Variants in PPP3CB observed in about 807,000 individuals in gnomAD.
PPP3CB encodes protein phosphatase 3 catalytic subunit beta.
In PPP3CB, 8 loss-of-function variants were observed where a neutral mutation model predicts 66.4. The observed-to-expected ratio is 0.12, with a 90% CI of 0.07 to 0.22. The LOEUF is 0.22. PPP3CB is among the 10% of genes least tolerant of loss of function. The pLI is 1.00. For missense variants in PPP3CB, 319 were observed against 642.5 expected (o/e 0.50, Z 5.44); for synonymous variants, 208 against 221.2 (o/e 0.94, Z 0.53).
chr10:73,443,403 G>C (rs2056196002), intron 12 of PPP3CB, among the ~76,000 whole-genome samples: 1 of 152,096 alleles, frequency 6.6e-6, no homozygotes, highest in South Asian at 2.1e-4. Context: ...ATGAAATTGT[G>C]AAGTCAAATG....
At chr10:73,488,772 T>G (rs1339328433) in intron 1 of PPP3CB, among the ~76,000 whole-genome samples, 1 of 152,168 alleles carries the variant, frequency 6.6e-6, no homozygotes, top group Non-Finnish European at 1.5e-5. Flanking sequence ...GGCTTACACC[T>G]GTTAAGGTAT....
chr10:73,471,018 A>G, intron 6 of PPP3CB, 52 bp downstream of exon 6: 1 of 1,600,924 alleles, frequency 6.2e-7, no homozygotes, highest in Admixed American at 1.7e-5. Context: ...TGTATGAAGC[A>G]TATGCTATGT....
intron 1 of PPP3CB, 50 bp from the exon 2 acceptor site, chr10:73,479,567 C>A (rs1230355572): frequency 6.5e-7 from 1 of 1,527,822 alleles, no homozygotes; most frequent in East Asian, 2.3e-5. Context: ...AATACATTAA[C>A]TTAAAAACTA....
chr10:73,486,800 CACT>C (rs2056986208), intron 1 of PPP3CB, among the ~76,000 whole-genome samples: 1 of 152,192 alleles, frequency 6.6e-6, no homozygotes, highest in Non-Finnish European at 1.5e-5. Context: ...ATCATCTCTC[CACT>C]AAGGGAAAAA....
At chr10:73,489,768 C>T (rs1404961007) in intron 1 of PPP3CB, among the ~76,000 whole-genome samples, 1 of 152,150 alleles carries the variant, frequency 6.6e-6, no homozygotes, top group Non-Finnish European at 1.5e-5. Context: ...TAACTTCATT[C>T]CTGTCACTCC....
At position 73,478,607 on chromosome 10, in the gene PPP3CB, A is replaced by G. The variant is rs774224909; in HGVS notation, c.303T>C (p.His101=). 8 of 1,612,924 alleles carry G rather than the reference A, an allele frequency of 5.0e-6. No individual in the cohort carries two copies. Among genetic ancestry groups the G allele is most frequent in the Non-Finnish European group, 6.8e-6 (8 of 1,179,284 alleles). Reference sequence around the variant, plus strand: ...GTTTCATCAGATCAAAAAATTGGCCATGGATGTCACCACACACTGAAACAA... The same window carrying G: ...GTTTCATCAGATCAAAAAATTGGCCGTGGATGTCACCACACACTGAAACAA... ...EAPITVCGDI[H]GQFFDLMKLF... The change falls in exon 3 of 14, where the codon CAT becomes CAC. Residue 101 remains histidine (H), a synonymous_variant. Transcript: ENST00000360663.
chr10:73,467,485 C>T, intron 9 of PPP3CB, 68 bp downstream of exon 9: 1 of 1,271,284 alleles, frequency 7.9e-7, no homozygotes, highest in Non-Finnish European at 1.0e-6. Context: ...AAGTATGTGC[C>T]TATGATAGTA....
intron 9 of PPP3CB, among the ~76,000 whole-genome samples, chr10:73,457,098 A>C (rs1171413216): frequency 6.6e-6 from 1 of 151,690 alleles, no homozygotes; most frequent in East Asian, 1.9e-4. Context: ...ATTTTTTTAA[A>C]AAATTAGAAA....
At chr10:73,440,604 C>T (rs906631827) in intron 12 of PPP3CB, among the ~76,000 whole-genome samples, 4 of 152,118 alleles carry the variant, frequency 2.6e-5, no homozygotes, top group African/African-American at 9.7e-5. Flanking sequence ...ACTGATGTTC[C>T]AAATACCTAC....
intron 3 of PPP3CB, among the ~76,000 whole-genome samples, chr10:73,476,174 T>C (rs1224601292): frequency 6.6e-6 from 1 of 152,204 alleles, no homozygotes; most frequent in Non-Finnish European, 1.5e-5. Context: ...TTATTGTTAA[T>C]AAATTAAGGT....
Position 73,436,711 on chromosome 10 carries a change from C to T in PPP3CB, c.*1531G>A, listed in dbSNP as rs2056077669. On this transcript the variant is annotated 3_prime_UTR_variant, in exon 14 of 14. Coordinates refer to ENST00000360663, the MANE Select transcript of PPP3CB (RefSeq NM_021132.4). ...CCATGAACTATCCACGAGATAATCT[C>T]CGGAGGACATCCCAGCTCTAGTAAC... 1 of 152,064 alleles carries T rather than the reference C, an allele frequency of 6.6e-6. No individual in the cohort carries two copies. The highest frequency in any genetic ancestry group is 2.4e-5 in the African/African-American group (1 of 41,392). 9.4% of individuals were successfully genotyped at this position (152,064 alleles called of 1,614,324 possible).
intron 3 of PPP3CB, among the ~76,000 whole-genome samples, chr10:73,478,277 A>G (rs1179873499): frequency 1.3e-5 from 2 of 152,210 alleles, no homozygotes; most frequent in Non-Finnish European, 2.9e-5. Context: ...TTCCACTGGG[A>G]AAAAAATGGC....
chr10:73,449,865 G>A (rs1302103914), intron 10 of PPP3CB, among the ~76,000 whole-genome samples: 1 of 151,670 alleles, frequency 6.6e-6, no homozygotes, highest in South Asian at 2.1e-4. Flanking sequence ...GGGTGATCTC[G>A]GCTCACTGCA....
chr10:73,477,711 G>A (rs1168783760), intron 3 of PPP3CB, among the ~76,000 whole-genome samples: 1 of 152,130 alleles, frequency 6.6e-6, no homozygotes, highest in Non-Finnish European at 1.5e-5. Context: ...GAGCCCAGGA[G>A]TTCAAGACCA....
intron 1 of PPP3CB, among the ~76,000 whole-genome samples, chr10:73,482,803 A>G (rs534435029): frequency 2.0e-5 from 3 of 151,972 alleles, no homozygotes; most frequent in Admixed American, 1.3e-4. Flanking sequence ...TTTTTAGTAG[A>G]GATAGGGTTT....
chr10:73,456,934 TAG>T (rs1463744177), intron 9 of PPP3CB, among the ~76,000 whole-genome samples: 5 of 152,026 alleles, frequency 3.3e-5, no homozygotes, highest in African/African-American at 1.2e-4. Flanking sequence ...GGCAAATCTA[TAG>T]AGACAGAAAG....
chr10:73,449,020 A>T (rs76502106), intron 10 of PPP3CB, among the ~76,000 whole-genome samples: 7,092 of 152,302 alleles, frequency 0.047, 508 homozygotes, highest in African/African-American at 0.15. Context: ...ATAAGACTGA[A>T]AAAAGACTGC....
intron 9 of PPP3CB, among the ~76,000 whole-genome samples, chr10:73,454,835 T>C (rs1445021324): frequency 6.6e-6 from 1 of 151,560 alleles, no homozygotes; most frequent in Admixed American, 6.6e-5. Context: ...AAAAAAATCA[T>C]GGCAGAGTTT....
At chr10:73,446,682 G>A in intron 10 of PPP3CB, 109 bp from the exon 11 acceptor site, 2 of 987,400 alleles carry the variant, frequency 2.0e-6, no homozygotes, top group Non-Finnish European at 3.2e-6. Context: ...CAAGACCCCT[G>A]CCACCAGCTT....
Sources: allele counts gnomAD v4.1 joint callset (sites outside exome capture counted in the v4.1 genomes callset), GRCh38; gene constraint gnomAD v4.1.1; transcripts MANE v1.5; gene names NCBI Gene and HGNC (gene_info 2026-07-23, HGNC 2026-07-21).